Variants in MSRA observed in about 807,000 individuals in gnomAD.
MSRA encodes the protein mitochondrial peptide methionine sulfoxide reductase.
Under a neutral mutation model 31.3 loss-of-function variants are expected in MSRA, and 54 were observed. That is an observed-to-expected ratio of 1.73 (90% confidence interval 1.39 to 2.17). The LOEUF is 2.17. Ranked by LOEUF, MSRA falls within the 30% of genes most tolerant of loss-of-function variation. MSRA has a pLI of 0.00. For missense variants in MSRA, 507 were observed against 300.9 expected, an observed-to-expected ratio of 1.69 and a Z score of -5.07; for synonymous variants, 169 against 116.5, an observed-to-expected ratio of 1.45 and a Z score of -2.90.
At chr8:10,291,413 C>G (rs1020692770) in intron 3 of MSRA, among the ~76,000 whole-genome samples, 96 of 48,414 alleles carry the variant, frequency 2.0e-3, no homozygotes, top group Non-Finnish European at 2.5e-3. Context: ...ACGAATGAGA[C>G]AAAAGAAAAA....
At chr8:10,161,563 A>G (rs1804646722) in intron 1 of MSRA, among the ~76,000 whole-genome samples, 1 of 152,174 alleles carries the variant, frequency 6.6e-6, no homozygotes, top group Admixed American at 6.5e-5. Context: ...TTGGTCTCTT[A>G]GGAGAGCCTC....
intron 4 of MSRA, among the ~76,000 whole-genome samples, chr8:10,316,356 G>T (rs1801712179): frequency 6.6e-6 from 1 of 152,118 alleles, no homozygotes; most frequent in African/African-American, 2.4e-5. Flanking sequence ...CTCTCTCTGA[G>T]TGTCAGTTTC....
rs1809356010 is a variant in MSRA, at chr8:10,428,689, T to G, written c.*377T>G. On this transcript the variant is annotated 3_prime_UTR_variant, in exon 6 of 6. Transcript: ENST00000317173. ...TCTCTGCCCGCCAGTGCCTTACAAT[T>G]TGCAAACGTGTATAGCCTCAGTGAC... 4 of 246,094 alleles carry G rather than the reference T, an allele frequency of 1.6e-5. No individual in the cohort carries two copies. Among genetic ancestry groups the G allele is most frequent in the Non-Finnish European group, 2.3e-5 (3 of 128,968 alleles). The allele number at this position is 246,094 out of a possible 1,614,324, so 15.2% of individuals were successfully genotyped here. A position where few individuals can be genotyped will look rare whatever the true frequency, so the allele number is the denominator to read the frequency against.
chr8:10,339,094 A>G (rs1419062039), intron 5 of MSRA, among the ~76,000 whole-genome samples: 1 of 152,144 alleles, frequency 6.6e-6, no homozygotes, highest in African/African-American at 2.4e-5. Flanking sequence ...TTGACTGCAG[A>G]GATAAGTTGA....
intron 2 of MSRA, among the ~76,000 whole-genome samples, chr8:10,221,448 A>G (rs541530064): frequency 2.6e-5 from 4 of 151,056 alleles, no homozygotes; most frequent in Admixed American, 2.0e-4. Context: ...ATATATACAT[A>G]TATATATTTG....
chr8:10,224,664 C>T (rs1810836624), intron 2 of MSRA, among the ~76,000 whole-genome samples: 1 of 152,106 alleles, frequency 6.6e-6, no homozygotes, highest in Non-Finnish European at 1.5e-5. Flanking sequence ...GATTCATCAC[C>T]ACCACATTTC....
chr8:10,094,841 C>A (rs1799041587), intron 1 of MSRA, among the ~76,000 whole-genome samples: 1 of 152,218 alleles, frequency 6.6e-6, no homozygotes, highest in South Asian at 2.1e-4. Flanking sequence ...TATGCTGGAA[C>A]TTGAGGTGTC....
intron 1 of MSRA, among the ~76,000 whole-genome samples, chr8:10,188,148 A>T (rs988049357): frequency 1.3e-5 from 2 of 152,226 alleles, no homozygotes; most frequent in African/African-American, 2.4e-5. Flanking sequence ...GCTTCCCCCA[A>T]TGTTAATATC....
chr8:10,371,523 G>A (rs1357041033), intron 5 of MSRA, among the ~76,000 whole-genome samples: 1 of 152,132 alleles, frequency 6.6e-6, no homozygotes, highest in Non-Finnish European at 1.5e-5. Flanking sequence ...AAAGTAAACA[G>A]CAGCAAAGAG....
chr8:10,266,739 A>G (rs1203641894), intron 3 of MSRA, among the ~76,000 whole-genome samples: 2 of 152,100 alleles, frequency 1.3e-5, no homozygotes, highest in African/African-American at 4.8e-5. Context: ...ATTTTGATTA[A>G]TTTTTATATA....
At chr8:10,274,605 T>C (rs1288913791) in intron 3 of MSRA, among the ~76,000 whole-genome samples, 1 of 152,184 alleles carries the variant, frequency 6.6e-6, no homozygotes, top group Non-Finnish European at 1.5e-5. Flanking sequence ...GTGCTGTATA[T>C]ATAGAGGTCA....
chr8:10,247,056 A>T (rs779097582), intron 3 of MSRA, among the ~76,000 whole-genome samples: 3 of 152,232 alleles, frequency 2.0e-5, no homozygotes, highest in Non-Finnish European at 4.4e-5. Flanking sequence ...AAATGTTAAC[A>T]ATCAGTTAGA....
intron 3 of MSRA, among the ~76,000 whole-genome samples, chr8:10,297,904 G>A (rs1490846052): frequency 6.6e-6 from 1 of 152,166 alleles, no homozygotes; most frequent in Admixed American, 6.5e-5. Context: ...ACAGCCTCGT[G>A]TCAGTTACCA....
intron 5 of MSRA, among the ~76,000 whole-genome samples, chr8:10,349,539 G>A (rs906423161): frequency 8.5e-5 from 13 of 152,136 alleles, no homozygotes; most frequent in African/African-American, 3.1e-4. Flanking sequence ...TTGCTAACGT[G>A]CACTCATGAC....
At chr8:10,066,183 C>T (rs919968860) in intron 1 of MSRA, among the ~76,000 whole-genome samples, 1 of 152,064 alleles carries the variant, frequency 6.6e-6, no homozygotes, top group African/African-American at 2.4e-5. Context: ...AGCAGGGTTT[C>T]CCCATGTTGG....
intron 2 of MSRA, among the ~76,000 whole-genome samples, chr8:10,223,993 A>C (rs1012574309): frequency 1.3e-5 from 2 of 152,180 alleles, no homozygotes; most frequent in East Asian, 3.9e-4. Flanking sequence ...TAATCTAACT[A>C]GTTCTGGGTC....
At chr8:10,325,838 C>T (rs994171911) in intron 5 of MSRA, among the ~76,000 whole-genome samples, 9 of 152,256 alleles carry the variant, frequency 5.9e-5, no homozygotes, top group African/African-American at 2.2e-4. Flanking sequence ...ACTGGGCTTT[C>T]CTGTGTTTTA....
chr8:10,088,574 A>C (rs1010066821), intron 1 of MSRA, among the ~76,000 whole-genome samples: 3 of 152,090 alleles, frequency 2.0e-5, no homozygotes, highest in African/African-American at 7.2e-5. Flanking sequence ...ATCTCTACTA[A>C]ACATACAAAA....
intron 1 of MSRA, among the ~76,000 whole-genome samples, chr8:10,157,618 T>A (rs1804265327): frequency 6.6e-6 from 1 of 151,964 alleles, no homozygotes; most frequent in Non-Finnish European, 1.5e-5. Context: ...CTCATAGGTT[T>A]TTTACACTCT....
Sources: allele counts gnomAD v4.1 joint callset (sites outside exome capture counted in the v4.1 genomes callset), GRCh38; gene constraint gnomAD v4.1.1; transcripts MANE v1.5; gene names NCBI Gene and HGNC (gene_info 2026-07-23, HGNC 2026-07-21).